Variants in TAAR1 observed in about 807,000 individuals in gnomAD.
The protein encoded by TAAR1 is trace amine associated receptor 1.
A neutral mutation model predicts 1.2 loss-of-function variants in TAAR1; 1 was observed. The ratio of observed to expected loss-of-function variants is 0.81; its 90% CI spans 0.29 to 3.86. TAAR1 has a LOEUF of 3.86. Among genes scored for constraint, TAAR1 ranks in the 30% most tolerant of loss-of-function variants. The probability of loss-of-function intolerance (pLI) is 0.18; values close to 1 mark genes in which losing one functional copy is unlikely to be tolerated. For synonymous variants in TAAR1, 153 were observed against 132.2 expected, an observed-to-expected ratio of 1.16 and a Z score of -1.08; for missense variants, 445 against 405.6, an observed-to-expected ratio of 1.10 and a Z score of -0.83.
rs766755763 is a variant in TAAR1 at position 132,645,180 on chromosome 6, G to A, written c.824C>T (p.Pro275Leu). 7.4e-6 allele frequency: 12 copies of A among 1,611,986 alleles called. No individual in the cohort carries two copies. The highest frequency in any genetic ancestry group is 3.4e-5 in the Admixed American group (2 of 59,582). Residue 275 changes from proline to leucine, a missense_variant, in exon 2 of 2, where the codon CCT (proline) becomes CTT (leucine). Physicochemically the swap from Pro to Leu is moderately conservative, Grantham distance 98 (BLOSUM62 -3). Coordinates refer to ENST00000275216, the MANE Select transcript of TAAR1 (RefSeq NM_138327.4). ...AGGTGGAATAATGTAGTGAAGAAAA[G>A]GGTCCATGACTGTACAGATAAAGAA... is the stretch of plus-strand genomic sequence containing the variant. ...CPFFICTVMD[P>L]FLHYIIPPTL... is the part of the protein sequence containing the mutation.
rs757351004 is a variant in TAAR1 at position 132,646,027 on chromosome 6, A to C, written c.-24T>G. 7 of 1,549,730 alleles carry C rather than the reference A, an allele frequency of 4.5e-6. No individual in the cohort carries two copies. The highest frequency in any genetic ancestry group is 6.1e-6 in the Non-Finnish European group (7 of 1,147,790). ...ATTCCTGAGGGCTGTCAATCAGTTTACTTTTCCCTTTGTGTGTTGATTTAT... is the reference window on the plus strand; with the variant it reads ...ATTCCTGAGGGCTGTCAATCAGTTTCCTTTTCCCTTTGTGTGTTGATTTAT... On this transcript the variant is annotated 5_prime_UTR_variant, in exon 2 of 2. Coordinates refer to ENST00000275216, the MANE Select transcript of TAAR1 (RefSeq NM_138327.4).
chr6:132,647,275 A>C (rs1267826333), intron 1 of TAAR1, among the ~76,000 whole-genome samples: 1 of 151,742 alleles, frequency 6.6e-6, no homozygotes, highest in Admixed American at 6.6e-5. Flanking sequence ...CAGGGGACTC[A>C]GTTTGAAACT....
rs1278844345 is a variant in TAAR1 at position 132,645,075 on chromosome 6, C to T, written c.929G>A (p.Trp310Ter). 1 of 1,610,522 alleles carries T rather than the reference C, an allele frequency of 6.2e-7. No homozygotes were observed. Among genetic ancestry groups the T allele is most frequent in the Non-Finnish European group, 8.5e-7 (1 of 1,178,900 alleles). Residue 310 changes from tryptophan (W) to a stop codon, truncating the protein, a stop_gained, in exon 2 of 2, where the codon TGG (tryptophan) becomes TAG (stop). Coordinates refer to ENST00000275216, the MANE Select transcript of TAAR1 (RefSeq NM_138327.4). LOFTEE classifies it high-confidence loss of function. The part of the protein sequence containing the change: ...NPMVYAFFYP[W>*]FRKALKMMLF... ...CATCATCTTCAGTGCTTTTCTAAACCAAGGATAGAAAAATGCATAAACCAT... is the reference window on the plus strand; with the variant it reads ...CATCATCTTCAGTGCTTTTCTAAACTAAGGATAGAAAAATGCATAAACCAT...
chr6:132,657,879 GA>G (rs1440123488), intron 1 of TAAR1, among the ~76,000 whole-genome samples: 1 of 151,970 alleles, frequency 6.6e-6, no homozygotes, highest in African/African-American at 2.4e-5. Context: ...TTCATAACTA[GA>G]AATTTTTTTA....
Position 132,645,232 on chromosome 6 carries a change from C to G in TAAR1, c.772G>C (p.Gly258Arg). The G allele has an allele frequency of 1.2e-6, 2 of 1,613,630 alleles. No individual in the cohort carries two copies. The change falls in exon 2 of 2, where the codon GGA becomes CGA. Residue 258 changes from glycine (G) to arginine (R), a missense_variant. Transcript: ENST00000275216. ...KAVKTLGIVM[G>R]VFLICWCPFF... ...GGGCACCAGCATATTAGGAAAACTC[C>G]CATCACAATCCCCAATGTCTTCACA... is the stretch of plus-strand genomic sequence containing the variant.
intron 1 of TAAR1, among the ~76,000 whole-genome samples, chr6:132,647,482 AAAGGAAG>A (rs1234023603): frequency 6.7e-6 from 1 of 150,160 alleles, no homozygotes; most frequent in East Asian, 1.9e-4. Flanking sequence ...AGAGAGAAAG[AAAGGAAG>A]AAGGAAGAAA....
chr6:132,657,467 G>C (rs1777817074), intron 1 of TAAR1, among the ~76,000 whole-genome samples: 1 of 151,680 alleles, frequency 6.6e-6, no homozygotes, highest in Non-Finnish European at 1.5e-5. Context: ...TCTATATAGA[G>C]ACAGAAAGTT....
intron 1 of TAAR1, among the ~76,000 whole-genome samples, chr6:132,656,615 T>C (rs1339576328): frequency 6.6e-6 from 1 of 152,144 alleles, no homozygotes; most frequent in African/African-American, 2.4e-5. Flanking sequence ...CTGTGCCTCA[T>C]AGAACCTTAA....
chr6:132,647,673 A>AAAGG (rs1777700645), intron 1 of TAAR1, among the ~76,000 whole-genome samples: 1 of 148,006 alleles, frequency 6.8e-6, no homozygotes, highest in Non-Finnish European at 1.5e-5. Context: ...AGAAAGAAAG[A>AAAGG]AAGAAAGAAG....
chr6:132,647,389 C>T (rs199643172), intron 1 of TAAR1, among the ~76,000 whole-genome samples: 20 of 133,876 alleles, frequency 1.5e-4, no homozygotes, highest in African/African-American at 5.0e-4. Flanking sequence ...CACACACACA[C>T]ACACATATAT....
At chr6:132,654,479 T>C (rs1777781178) in intron 1 of TAAR1, among the ~76,000 whole-genome samples, 1 of 152,228 alleles carries the variant, frequency 6.6e-6, no homozygotes, top group African/African-American at 2.4e-5. Flanking sequence ...AGCCCTAAAA[T>C]AATGTACCTT....
Position 132,646,034 on chromosome 6 carries a change from C to A in TAAR1, c.-31G>T. The A allele has an allele frequency of 6.5e-7, 1 of 1,538,450 alleles. No homozygotes were observed. On this transcript the variant is annotated 5_prime_UTR_variant, in exon 2 of 2. Transcript: ENST00000275216. The stretch of plus-strand genomic sequence containing the variant: ...AGGGCTGTCAATCAGTTTACTTTTC[C>A]CTTTGTGTGTTGATTTATCTTTTTC...
chr6:132,652,168 T>A (rs1390786806), intron 1 of TAAR1, among the ~76,000 whole-genome samples: 2 of 152,162 alleles, frequency 1.3e-5, no homozygotes, highest in East Asian at 3.9e-4. Context: ...TAGGTGATTT[T>A]TTTTTCCATT....
At chr6:132,646,862 T>C (rs1582750673) in intron 1 of TAAR1, among the ~76,000 whole-genome samples, 1 of 151,918 alleles carries the variant, frequency 6.6e-6, no homozygotes, top group African/African-American at 2.4e-5. Flanking sequence ...GTTCAGTTTC[T>C]TTGATATCAG....
At chr6:132,652,115 G>A (rs1011020329) in intron 1 of TAAR1, among the ~76,000 whole-genome samples, 6 of 151,996 alleles carry the variant, frequency 3.9e-5, no homozygotes, top group African/African-American at 1.4e-4. Flanking sequence ...TATAGACAAG[G>A]CAGCAAAAAC....
intron 1 of TAAR1, among the ~76,000 whole-genome samples, chr6:132,652,306 C>CT (rs11458413): frequency 0.33 from 46,456 of 139,706 alleles, 10,007 homozygotes; most frequent in African/African-American, 0.6. Flanking sequence ...AGATATTCTG[C>CT]TTTTTTTTTT....
chr6:132,655,376 CTTTTTTTTTTTTTT>C (rs6149815), intron 1 of TAAR1, among the ~76,000 whole-genome samples: 2 of 133,356 alleles, frequency 1.5e-5, no homozygotes, highest in Non-Finnish European at 3.1e-5. Flanking sequence ...TTCATTCATT[CTTTTTTTTTTTTTT>C]TTTTTTTGAA....
chr6:132,658,171 C>T (rs1777827766), intron 1 of TAAR1, among the ~76,000 whole-genome samples: 1 of 151,916 alleles, frequency 6.6e-6, no homozygotes, highest in African/African-American at 2.4e-5. Context: ...AATAAACATA[C>T]TAAAATATGT....
rs189950947 is a variant in TAAR1, at chr6:132,655,778, G to C, written c.-127+3352C>G. Among the ~76,000 whole-genome samples, 329 of 152,322 alleles carry C rather than the reference G, an allele frequency of 2.2e-3. 3 individuals carry two copies. The highest frequency in any genetic ancestry group is 3.2e-3 in the Non-Finnish European group (221 of 68,026). On this transcript the variant is annotated intron_variant, in intron 1 of 1. Coordinates refer to ENST00000275216, the MANE Select transcript of TAAR1 (RefSeq NM_138327.4). ...AAGCTGTCACCTGGTGAGAGAAGAT[G>C]GTGCTTTGGAGCACAGCAATGTTTG...
Sources: allele counts gnomAD v4.1 joint callset (sites outside exome capture counted in the v4.1 genomes callset), GRCh38; gene constraint gnomAD v4.1.1; transcripts MANE v1.5; gene names NCBI Gene and HGNC (gene_info 2026-07-23, HGNC 2026-07-21).